KATNAL2: variants seen among roughly 807,000 people sequenced by gnomAD.
KATNAL2 encodes the protein katanin p60 ATPase-containing subunit A-like 2.
Under a neutral mutation model 76.3 loss-of-function variants are expected in KATNAL2, and 52 were observed. That is an observed-to-expected ratio of 0.68 (90% CI 0.55 to 0.86). The LOEUF (loss-of-function observed/expected upper bound fraction) is 0.86. KATNAL2 is among the 40% of genes least tolerant of loss of function. The probability of loss-of-function intolerance (pLI) is 0.00; values close to 1 mark genes in which losing one functional copy is unlikely to be tolerated. For synonymous variants in KATNAL2, 243 were observed against 244.2 expected, an observed-to-expected ratio of 1.00 and a Z score of 0.05; for missense variants, 660 against 668.9, an observed-to-expected ratio of 0.99 and a Z score of 0.15.
chr18:46,954,331 T>C (rs1388824532), intron 3 of KATNAL2, among the ~76,000 whole-genome samples: 1 of 145,436 alleles, frequency 6.9e-6, no homozygotes, highest in Non-Finnish European at 1.5e-5. Flanking sequence ...TTCGTCTTTT[T>C]TTTTTTTTTT....
chr18:46,927,940 T>A (rs1210118042), intron 1 of KATNAL2, among the ~76,000 whole-genome samples: 3 of 152,208 alleles, frequency 2.0e-5, no homozygotes, highest in African/African-American at 7.2e-5. Flanking sequence ...CTCCATCAGG[T>A]CCTTTAAGGA....
At chr18:47,097,655 T>C (rs1409860106) in intron 15 of KATNAL2, among the ~76,000 whole-genome samples, 1 of 152,206 alleles carries the variant, frequency 6.6e-6, no homozygotes, top group South Asian at 2.1e-4. Flanking sequence ...GACAGAACCA[T>C]ACATGATGCA....
chr18:46,952,964 G>A (rs1203118836), intron 3 of KATNAL2, among the ~76,000 whole-genome samples: 7 of 135,518 alleles, frequency 5.2e-5, no homozygotes, highest in African/African-American at 2.0e-4. Flanking sequence ...GCACGATCTC[G>A]GCTCACTGCA....
intron 15 of KATNAL2, among the ~76,000 whole-genome samples, chr18:47,087,218 T>C (rs1232637580): frequency 6.6e-6 from 1 of 152,246 alleles, no homozygotes; most frequent in African/African-American, 2.4e-5. Context: ...TAGTTGTTTA[T>C]TATAAAAATC....
At chr18:47,043,357 C>T (rs1200814528) in intron 3 of KATNAL2, among the ~76,000 whole-genome samples, 1 of 151,542 alleles carries the variant, frequency 6.6e-6, no homozygotes, top group East Asian at 1.9e-4. Flanking sequence ...AGAATAAAGA[C>T]ACTTTCAGGC....
intron 3 of KATNAL2, chr18:46,969,677 AC>A (rs1390016014): frequency 1.0e-5 from 5 of 481,910 alleles, no homozygotes; most frequent in African/African-American, 2.6e-5. Context: ...GTGGCTCCCC[AC>A]CGCTTCCCCC....
intron 3 of KATNAL2, among the ~76,000 whole-genome samples, chr18:47,042,062 A>G (rs2060983502): frequency 6.6e-6 from 1 of 151,400 alleles, no homozygotes; most frequent in African/African-American, 2.4e-5. Context: ...TTTAGTGTTG[A>G]ATTTAGGAGG....
chr18:47,088,886 A>G (rs1448905933), intron 15 of KATNAL2, among the ~76,000 whole-genome samples: 1 of 152,212 alleles, frequency 6.6e-6, no homozygotes, highest in African/African-American at 2.4e-5. Flanking sequence ...GGACCATGCC[A>G]ATAAGAGGAG....
intron 4 of KATNAL2, among the ~76,000 whole-genome samples, chr18:47,048,339 G>A (rs1329490516): frequency 6.6e-6 from 1 of 152,202 alleles, no homozygotes; most frequent in Admixed American, 6.5e-5. Context: ...TCCTGGAGAG[G>A]TACAAAGGAA....
chr18:46,960,424 C>G (rs1478209987), intron 3 of KATNAL2, among the ~76,000 whole-genome samples: 1 of 109,474 alleles, frequency 9.1e-6, no homozygotes, highest in Non-Finnish European at 2.0e-5. Context: ...AAGAGCGAAA[C>G]TTCAAAAAAA....
chr18:47,054,625 T>C (rs1026031830), intron 6 of KATNAL2, 187 bp downstream of exon 6: 1 of 652,290 alleles, frequency 1.5e-6, no homozygotes, highest in Non-Finnish European at 2.8e-6. Flanking sequence ...GTCCGTCTAC[T>C]CTCCTGGTTT....
At chr18:47,032,973 C>G in intron 3 of KATNAL2, 3 of 1,613,716 alleles carry the variant, frequency 1.9e-6, no homozygotes, top group Non-Finnish European at 2.5e-6. Flanking sequence ...AAAATCCCCC[C>G]AGATTTTATC....
chr18:46,925,609 T>C (rs948277521), intron 1 of KATNAL2, among the ~76,000 whole-genome samples: 2 of 152,028 alleles, frequency 1.3e-5, no homozygotes, highest in African/African-American at 4.8e-5. Context: ...AAATGAGTTA[T>C]GGAGGATTCC....
chr18:46,943,013 G>A (rs763737240), intron 1 of KATNAL2, among the ~76,000 whole-genome samples: 8 of 152,048 alleles, frequency 5.3e-5, no homozygotes, highest in East Asian at 1.9e-4. Context: ...TCAGGGTTTC[G>A]CCAACAGGGT....
chr18:46,930,748 T>C (rs1470699774), intron 1 of KATNAL2, among the ~76,000 whole-genome samples: 1 of 151,052 alleles, frequency 6.6e-6, no homozygotes, highest in African/African-American at 2.4e-5. Flanking sequence ...CTGGGAGGTG[T>C]AGGTTGCAGT....
intron 3 of KATNAL2, among the ~76,000 whole-genome samples, chr18:47,042,579 A>G (rs1468636021): frequency 6.6e-6 from 1 of 152,216 alleles, no homozygotes; most frequent in Admixed American, 6.5e-5. Context: ...GAAAAAAGAA[A>G]GAATCAGAGA....
chr18:47,079,079 C>T (rs1438083065), intron 15 of KATNAL2, among the ~76,000 whole-genome samples: 1 of 152,174 alleles, frequency 6.6e-6, no homozygotes, highest in East Asian at 1.9e-4. Flanking sequence ...ATAACTAACA[C>T]CATCTTGCTC....
chr18:47,075,314 C>G lies in KATNAL2; in HGVS notation c.1046C>G (p.Thr349Arg). 6.4e-7 allele frequency: 1 copy of G among 1,562,388 alleles called. No homozygotes were observed. The highest frequency in any genetic ancestry group is 8.6e-7 in the Non-Finnish European group (1 of 1,159,018). ...FELARYHAPS[T>R]IFLDELESVM... ...CTTGCCCGCTACCACGCCCCATCCA[C>G]GATCTTCCTGGACGAGCTGGAGTCG... is the stretch of plus-strand genomic sequence containing the variant. Residue 349 changes from threonine to arginine, a missense_variant, in exon 14 of 18, where the codon ACG (threonine) becomes AGG (arginine). By Grantham distance (71) the Thr-to-Arg change is moderately conservative. Coordinates refer to ENST00000683218, the MANE Select transcript of KATNAL2 (RefSeq NM_001387690.1).
chr18:47,071,628 A>T (rs1003524292), intron 13 of KATNAL2, among the ~76,000 whole-genome samples: 3 of 152,106 alleles, frequency 2.0e-5, no homozygotes, highest in Non-Finnish European at 4.4e-5. Flanking sequence ...CGAGCACAAG[A>T]CACTGCTAGG....
Sources: gnomAD v4.1 joint callset for allele counts (sites outside exome capture counted in the v4.1 genomes callset) on GRCh38, gnomAD v4.1.1 for gene constraint, MANE v1.5 for transcripts, NCBI Gene and HGNC (gene_info 2026-07-23, HGNC 2026-07-21) for gene names.